FBXL7: variants seen among roughly 807,000 people sequenced by gnomAD.
FBXL7 encodes F-box/LRR-repeat protein 7.
Under a neutral mutation model 38.3 loss-of-function variants are expected in FBXL7, and 12 were observed. The ratio of observed to expected loss-of-function variants is 0.31; its 90% CI spans 0.20 to 0.51. The LOEUF is 0.51. FBXL7 is among the 20% of genes least tolerant of loss of function. The probability of loss-of-function intolerance (pLI) is 0.98; values close to 1 mark genes in which losing one functional copy is unlikely to be tolerated. For synonymous variants in FBXL7, 297 were observed against 300.9 expected (o/e 0.99, Z 0.13); for missense variants, 567 against 676.4 (o/e 0.84, Z 1.79).
intron 2 of FBXL7, among the ~76,000 whole-genome samples, chr5:15,787,920 A>G (rs1310789546): frequency 6.6e-6 from 1 of 152,150 alleles, no homozygotes; most frequent in Non-Finnish European, 1.5e-5. Context: ...ATAGAAATGT[A>G]TTTCTCACAG....
chr5:15,504,949 C>T (rs2126345722), intron 1 of FBXL7, among the ~76,000 whole-genome samples: 1 of 152,246 alleles, frequency 6.6e-6, no homozygotes, highest in South Asian at 2.1e-4. Flanking sequence ...AGCTTGTTTG[C>T]AAAGCCGAGG....
chr5:15,820,630 T>G (rs995204257), intron 2 of FBXL7, among the ~76,000 whole-genome samples: 2 of 152,126 alleles, frequency 1.3e-5, no homozygotes, highest in African/African-American at 4.8e-5. Flanking sequence ...CTGAGTCTTA[T>G]GTATGCTTTT....
chr5:15,512,376 A>G (rs931026423), intron 1 of FBXL7, among the ~76,000 whole-genome samples: 2 of 152,300 alleles, frequency 1.3e-5, no homozygotes, highest in African/African-American at 2.4e-5. Flanking sequence ...ATCCTTCCGT[A>G]TATGCACACT....
chr5:15,574,144 G>A (rs1738881632), intron 1 of FBXL7, among the ~76,000 whole-genome samples: 2 of 152,206 alleles, frequency 1.3e-5, no homozygotes, highest in Non-Finnish European at 2.9e-5. Context: ...GCTCTTACAG[G>A]TGCAAAATCT....
chr5:15,566,339 T>C (rs1165300213), intron 1 of FBXL7, among the ~76,000 whole-genome samples: 5 of 152,180 alleles, frequency 3.3e-5, no homozygotes, highest in African/African-American at 1.2e-4. Flanking sequence ...ACAACCTGCC[T>C]TTCAATTATA....
intron 2 of FBXL7, among the ~76,000 whole-genome samples, chr5:15,726,691 A>T (rs990310054): frequency 2.8e-5 from 4 of 141,386 alleles, no homozygotes; most frequent in Non-Finnish European, 4.6e-5. Flanking sequence ...ACTCCATCTC[A>T]AAATAAATAA....
At chr5:15,696,656 C>T (rs1354606998) in intron 2 of FBXL7, among the ~76,000 whole-genome samples, 1 of 152,176 alleles carries the variant, frequency 6.6e-6, no homozygotes, top group Non-Finnish European at 1.5e-5. Context: ...TAAATAAATG[C>T]TCAATCTATT....
intron 2 of FBXL7, among the ~76,000 whole-genome samples, chr5:15,750,277 C>T (rs999522683): frequency 6.6e-6 from 1 of 152,198 alleles, no homozygotes; most frequent in African/African-American, 2.4e-5. Flanking sequence ...TAATAAATTA[C>T]TCAACATTTC....
intron 2 of FBXL7, among the ~76,000 whole-genome samples, chr5:15,846,084 C>A (rs1212317138): frequency 6.6e-6 from 1 of 152,196 alleles, no homozygotes; most frequent in Non-Finnish European, 1.5e-5. Context: ...TTGGCATGTG[C>A]CATTCTGGAC....
chr5:15,569,745 T>C (rs6420022), intron 1 of FBXL7, among the ~76,000 whole-genome samples: 1 of 151,842 alleles, frequency 6.6e-6, no homozygotes, highest in Non-Finnish European at 1.5e-5. Flanking sequence ...GATAGCTCTT[T>C]TTATTTTAGA....
chr5:15,850,366 G>A (rs1230362260), intron 2 of FBXL7, among the ~76,000 whole-genome samples: 3 of 152,180 alleles, frequency 2.0e-5, no homozygotes, highest in South Asian at 2.1e-4. Flanking sequence ...TAAGAGCTAA[G>A]CTCATAGCCT....
At chr5:15,613,308 G>A (rs891352652) in intron 1 of FBXL7, among the ~76,000 whole-genome samples, 1 of 152,172 alleles carries the variant, frequency 6.6e-6, no homozygotes, top group Non-Finnish European at 1.5e-5. Flanking sequence ...GCAAGGGAGT[G>A]GTAGACTGGG....
intron 2 of FBXL7, among the ~76,000 whole-genome samples, chr5:15,768,240 T>TA (rs1175046951): frequency 1.3e-5 from 2 of 152,010 alleles, no homozygotes; most frequent in Non-Finnish European, 2.9e-5. Context: ...GCCTAAACAG[T>TA]AACATTGCTG....
At chr5:15,733,308 G>T (rs1196446098) in intron 2 of FBXL7, among the ~76,000 whole-genome samples, 3 of 152,070 alleles carry the variant, frequency 2.0e-5, no homozygotes, top group Non-Finnish European at 2.9e-5. Flanking sequence ...GGCCAGGCTG[G>T]TCTTGAACTC....
intron 2 of FBXL7, among the ~76,000 whole-genome samples, chr5:15,782,340 C>T (rs558110467): frequency 8.4e-4 from 128 of 152,236 alleles, no homozygotes; most frequent in Non-Finnish European, 1.6e-3. Context: ...TGGGTATATA[C>T]CCAGTAATGA....
At chr5:15,672,143 G>C (rs934948112) in intron 2 of FBXL7, among the ~76,000 whole-genome samples, 2 of 152,048 alleles carry the variant, frequency 1.3e-5, no homozygotes, top group Non-Finnish European at 2.9e-5. Flanking sequence ...CTGCCTTTTA[G>C]GGAAAGAAAA....
chr5:15,813,805 C>T (rs1037092846), intron 2 of FBXL7, among the ~76,000 whole-genome samples: 8 of 152,014 alleles, frequency 5.3e-5, no homozygotes, highest in Admixed American at 2.6e-4. Flanking sequence ...GACATTTATG[C>T]GGTCAACAAA....
intron 1 of FBXL7, among the ~76,000 whole-genome samples, chr5:15,609,929 A>T: frequency 6.6e-6 from 1 of 152,190 alleles, no homozygotes; most frequent in Middle Eastern, 3.2e-3. Flanking sequence ...ATTTACAAAG[A>T]AAAAGAGGTG....
chr5:15,843,509 A>G (rs919365680), intron 2 of FBXL7, among the ~76,000 whole-genome samples: 1 of 152,236 alleles, frequency 6.6e-6, no homozygotes, highest in African/African-American at 2.4e-5. Flanking sequence ...TGATCATGGA[A>G]TTAAAACTAT....
Sources: allele counts gnomAD v4.1 joint callset (sites outside exome capture counted in the v4.1 genomes callset), GRCh38; gene constraint gnomAD v4.1.1; transcripts MANE v1.5; gene names NCBI Gene and HGNC (gene_info 2026-07-23, HGNC 2026-07-21).